KDM4C: variants seen among roughly 807,000 people sequenced by gnomAD.
KDM4C encodes lysine demethylase 4C, also known as lysine-specific demethylase 4C.
A neutral mutation model predicts 129.3 loss-of-function variants in KDM4C; 81 were observed. That is an observed-to-expected ratio of 0.63 (90% confidence interval 0.52 to 0.75). The LOEUF (loss-of-function observed/expected upper bound fraction) is 0.75. Ranked by LOEUF, KDM4C falls within the 30% of genes least tolerant of loss-of-function variation. The pLI is 0.00. For missense variants in KDM4C, 1,457 were observed against 1,304.0 expected, an observed-to-expected ratio of 1.12 and a Z score of -1.81; for synonymous variants, 573 against 456.1, an observed-to-expected ratio of 1.26 and a Z score of -3.26.
chr9:6,770,050 A>G (rs1400809132), intron 1 of KDM4C, among the ~76,000 whole-genome samples: 2 of 152,098 alleles, frequency 1.3e-5, no homozygotes, highest in Non-Finnish European at 2.9e-5. Flanking sequence ...ATGGTGGGGC[A>G]TGCCTGTAAC....
chr9:6,793,190 C>T lies in KDM4C; in HGVS notation c.144+58C>T, dbSNP rs1827049864. On this transcript the variant is annotated intron_variant, in intron 2 of 21. Transcript: ENST00000381309. ...AATCACTTGGCCTTTAATTTATGTTCTTAGTTTTCACGATTTGGGACATTG... is the reference window on the plus strand; with the variant it reads ...AATCACTTGGCCTTTAATTTATGTTTTTAGTTTTCACGATTTGGGACATTG... 7 of 1,562,356 alleles carry T rather than the reference C, an allele frequency of 4.5e-6. No homozygotes were observed. The South Asian group carries it at 8.1e-5, about 18-fold the overall frequency.
At chr9:7,081,848 T>A (rs1834558009) in intron 17 of KDM4C, among the ~76,000 whole-genome samples, 1 of 152,188 alleles carries the variant, frequency 6.6e-6, no homozygotes, top group Non-Finnish European at 1.5e-5. Flanking sequence ...GAAAGGCATG[T>A]ATTACCTCCG....
chr9:6,759,531 C>A (rs766727089), intron 1 of KDM4C, among the ~76,000 whole-genome samples: 43 of 152,140 alleles, frequency 2.8e-4, no homozygotes, highest in Non-Finnish European at 3.8e-4. Flanking sequence ...GCTTTTTCTC[C>A]CAATTTCAGT....
chr9:6,770,397 T>C (rs1367446366), intron 1 of KDM4C, among the ~76,000 whole-genome samples: 4 of 152,186 alleles, frequency 2.6e-5, no homozygotes, highest in African/African-American at 9.7e-5. Flanking sequence ...GATTTATGGT[T>C]TCCTATTTCA....
intron 8 of KDM4C, among the ~76,000 whole-genome samples, chr9:6,957,220 A>T (rs1185478945): frequency 1.3e-5 from 2 of 152,200 alleles, no homozygotes; most frequent in Non-Finnish European, 2.9e-5. Context: ...GCTGCTTAGG[A>T]AGATTATGTT....
chr9:7,131,108 T>C (rs1840587596), intron 19 of KDM4C, among the ~76,000 whole-genome samples: 2 of 151,990 alleles, frequency 1.3e-5, no homozygotes, highest in Admixed American at 1.3e-4. Context: ...AAAAACTGAA[T>C]TCATCTTTGT....
intron 17 of KDM4C, among the ~76,000 whole-genome samples, chr9:7,059,673 C>T (rs1432418464): frequency 1.3e-5 from 2 of 152,156 alleles, no homozygotes; most frequent in East Asian, 1.9e-4. Context: ...TTCAACCAAA[C>T]AACATATTAC....
chr9:6,873,736 T>G (rs1363005715), intron 5 of KDM4C, among the ~76,000 whole-genome samples: 1 of 152,232 alleles, frequency 6.6e-6, no homozygotes, highest in Non-Finnish European at 1.5e-5. Context: ...CATCATTGTG[T>G]TCATTGTTGT....
intron 5 of KDM4C, among the ~76,000 whole-genome samples, chr9:6,854,801 C>T (rs1839509536): frequency 6.6e-6 from 1 of 152,160 alleles, no homozygotes; most frequent in Admixed American, 6.6e-5. Context: ...TCAATGCTTT[C>T]TCATTAGAAC....
At chr9:7,142,249 T>A (rs976328555) in intron 19 of KDM4C, among the ~76,000 whole-genome samples, 4 of 152,230 alleles carry the variant, frequency 2.6e-5, no homozygotes, top group South Asian at 2.1e-4. Flanking sequence ...GCATGCAGCC[T>A]TGTGTGCTCT....
chr9:6,840,395 C>CT (rs967293102), intron 4 of KDM4C, among the ~76,000 whole-genome samples: 31 of 149,528 alleles, frequency 2.1e-4, no homozygotes, highest in Admixed American at 1.0e-3. Context: ...TTCTCTTTTT[C>CT]TTTTTTTTGT....
chr9:6,895,031 G>T (rs1302890862), intron 8 of KDM4C, among the ~76,000 whole-genome samples: 1 of 152,148 alleles, frequency 6.6e-6, no homozygotes, highest in East Asian at 1.9e-4. Flanking sequence ...CTACAATGCA[G>T]TTTTGGCCAG....
chr9:7,143,710 A>G (rs1424962348), intron 19 of KDM4C, among the ~76,000 whole-genome samples: 1 of 152,234 alleles, frequency 6.6e-6, no homozygotes, highest in Non-Finnish European at 1.5e-5. Context: ...TCAACAACAC[A>G]AGAATCATTT....
chr9:6,955,079 G>C (rs369581057), intron 8 of KDM4C, among the ~76,000 whole-genome samples: 39 of 152,316 alleles, frequency 2.6e-4, no homozygotes, highest in East Asian at 5.8e-4. Flanking sequence ...TCAGGAACAG[G>C]TGCATCTCCT....
At chr9:7,081,385 C>T (rs1052804182) in intron 17 of KDM4C, among the ~76,000 whole-genome samples, 1 of 152,140 alleles carries the variant, frequency 6.6e-6, no homozygotes, top group Non-Finnish European at 1.5e-5. Context: ...GCAAGGCTGG[C>T]GTGCACAGAG....
chr9:6,888,092 A>T, intron 7 of KDM4C, 29 bp downstream of exon 7: 1 of 1,214,806 alleles, frequency 8.2e-7, no homozygotes, highest in Non-Finnish European at 1.2e-6. Context: ...TACACAAATT[A>T]ATTTTGTTTG....
intron 4 of KDM4C, among the ~76,000 whole-genome samples, chr9:6,830,147 A>G (rs752938803): frequency 6.6e-6 from 1 of 152,230 alleles, no homozygotes; most frequent in Non-Finnish European, 1.5e-5. Context: ...ATACGGATAC[A>G]AATTGTTAAA....
chr9:6,849,220 G>T (rs773564012), intron 4 of KDM4C, among the ~76,000 whole-genome samples: 7 of 152,192 alleles, frequency 4.6e-5, no homozygotes, highest in Non-Finnish European at 7.3e-5. Context: ...CAGCCAAGTT[G>T]GGAGTGGGTC....
chr9:7,093,628 G>A (rs537026422), intron 17 of KDM4C, among the ~76,000 whole-genome samples: 17 of 152,222 alleles, frequency 1.1e-4, no homozygotes, highest in Admixed American at 7.8e-4. Context: ...TTGGTAAAGC[G>A]TATGGACCTC....
Sources: allele counts gnomAD v4.1 joint callset (sites outside exome capture counted in the v4.1 genomes callset), GRCh38; gene constraint gnomAD v4.1.1; transcripts MANE v1.5; gene names NCBI Gene and HGNC (gene_info 2026-07-23, HGNC 2026-07-21).